GRIN2A: variants seen among roughly 807,000 people sequenced by gnomAD.
GRIN2A encodes glutamate receptor ionotropic, NMDA 2A.
In GRIN2A, 22 loss-of-function variants were observed where a neutral mutation model predicts 113.4. The ratio of observed to expected loss-of-function variants is 0.19; its 90% CI spans 0.14 to 0.28. The LOEUF is 0.28. Among genes scored for constraint, GRIN2A ranks in the 10% least tolerant of loss-of-function variants. The pLI is 1.00. For missense variants in GRIN2A, 1,502 were observed against 1,887.0 expected (o/e 0.80, Z 3.78); for synonymous variants, 827 against 738.4 (o/e 1.12, Z -1.94).
At chr16:10,050,955 T>G (rs2047348170) in intron 2 of GRIN2A, among the ~76,000 whole-genome samples, 1 of 152,136 alleles carries the variant, frequency 6.6e-6, no homozygotes, top group Admixed American at 6.5e-5. Flanking sequence ...AGCTAAGAAG[T>G]TCATGGTAAT....
intron 4 of GRIN2A, among the ~76,000 whole-genome samples, chr16:9,869,120 TAG>T (rs1281492117): frequency 3.9e-5 from 6 of 152,034 alleles, no homozygotes; most frequent in Non-Finnish European, 8.8e-5. Context: ...GCTTACATAA[TAG>T]ATGCACAAAT....
intron 2 of GRIN2A, among the ~76,000 whole-genome samples, chr16:9,973,143 T>G (rs12932095): frequency 0.34 from 52,338 of 151,986 alleles, 9,245 homozygotes; most frequent in Non-Finnish European, 0.36. Context: ...ATCTTAGGTT[T>G]TACAATAGTG....
At chr16:9,829,361 C>CTCCTGAAAGGAGGA (rs2042445306) in intron 9 of GRIN2A, 62 bp downstream of exon 9, 1 of 1,039,520 alleles carries the variant, frequency 9.6e-7, no homozygotes, top group Non-Finnish European at 1.5e-6. Flanking sequence ...GAATCTCTTC[C>CTCCTGAAAGGAGGA]TCCTGAAAGG....
intron 10 of GRIN2A, among the ~76,000 whole-genome samples, chr16:9,800,034 G>A (rs1392196766): frequency 6.6e-6 from 1 of 151,800 alleles, no homozygotes; most frequent in Non-Finnish European, 1.5e-5. Flanking sequence ...GAGTGCAATG[G>A]TGCGATCTCA....
rs2141345463 is a variant in GRIN2A at position 9,841,034 on chromosome 16, G to T, written c.1399C>A (p.Leu467Ile). The change falls in exon 6 of 13, where the codon CTT becomes ATT. Residue 467 changes from leucine to isoleucine, a missense_variant. This residue lies in a region of GRIN2A where 82 missense variants were observed against 222.7 expected (regional missense o/e 0.37). Coordinates refer to ENST00000330684, the MANE Select transcript of GRIN2A (RefSeq NM_001134407.3). ...KGFCIDILKKLSRTVKFTYDL... is the reference protein window; with the variant it reads ...KGFCIDILKKISRTVKFTYDL... ...TAAGTAAACTTCACAGTTCTGGAAAGCTTCTTCAGAATATCAATGCAGAAC... is the reference window on the plus strand; with the variant it reads ...TAAGTAAACTTCACAGTTCTGGAAATCTTCTTCAGAATATCAATGCAGAAC... 1 of 1,613,102 alleles carries T rather than the reference G, an allele frequency of 6.2e-7. No homozygotes were observed. Among genetic ancestry groups the T allele is most frequent in the Non-Finnish European group, 8.5e-7 (1 of 1,179,100 alleles).
chr16:9,972,839 G>A (rs1339124426), intron 2 of GRIN2A, among the ~76,000 whole-genome samples: 2 of 152,216 alleles, frequency 1.3e-5, no homozygotes, highest in Non-Finnish European at 2.9e-5. Flanking sequence ...TAGAGAAAGA[G>A]TAATTCACAC....
At chr16:10,125,983 G>T (rs1023142226) in intron 2 of GRIN2A, among the ~76,000 whole-genome samples, 4 of 152,052 alleles carry the variant, frequency 2.6e-5, no homozygotes, top group African/African-American at 9.7e-5. Flanking sequence ...ACACAGACAG[G>T]AGGAGCCCCA....
chr16:10,005,978 A>G (rs1445581590), intron 2 of GRIN2A, among the ~76,000 whole-genome samples: 1 of 152,224 alleles, frequency 6.6e-6, no homozygotes, highest in Admixed American at 6.5e-5. Flanking sequence ...TTTTACCTCA[A>G]TATTACAGCT....
chr16:9,757,161 G>C lies in GRIN2A; in HGVS notation c.*5988C>G. ...ATAATGCAAGGCTGGGAGGAGGCATGATTTGGCAAGGACTGGAGAACTGGT... is the reference window on the plus strand; with the variant it reads ...ATAATGCAAGGCTGGGAGGAGGCATCATTTGGCAAGGACTGGAGAACTGGT... On this transcript the variant is annotated 3_prime_UTR_variant, in exon 13 of 13. Coordinates refer to ENST00000330684, the MANE Select transcript of GRIN2A (RefSeq NM_001134407.3). 1 of 218,798 alleles carries C rather than the reference G, an allele frequency of 4.6e-6. No homozygotes were observed. The highest frequency in any genetic ancestry group is 9.2e-6 in the Non-Finnish European group (1 of 108,944). 13.6% of individuals were successfully genotyped at this position (218,798 alleles called of 1,614,324 possible). A position where few individuals can be genotyped will look rare whatever the true frequency, so the allele number is the denominator to read the frequency against.
At chr16:9,854,251 A>G (rs1360628311) in intron 4 of GRIN2A, among the ~76,000 whole-genome samples, 2 of 152,010 alleles carry the variant, frequency 1.3e-5, no homozygotes, top group African/African-American at 2.4e-5. Flanking sequence ...AGTATCAAGG[A>G]CCTGTATTCT....
intron 5 of GRIN2A, among the ~76,000 whole-genome samples, chr16:9,847,304 C>T (rs900130768): frequency 6.6e-6 from 1 of 152,186 alleles, no homozygotes; most frequent in African/African-American, 2.4e-5. Context: ...CATCTATAAT[C>T]CCAGTGACTC....
intron 2 of GRIN2A, among the ~76,000 whole-genome samples, chr16:9,967,632 GA>G (rs2045582208): frequency 6.6e-6 from 1 of 152,200 alleles, no homozygotes; most frequent in Admixed American, 6.5e-5. Context: ...CTTGAACCTG[GA>G]AGGTGGAGGT....
intron 11 of GRIN2A, among the ~76,000 whole-genome samples, chr16:9,772,620 C>G (rs1465840115): frequency 6.6e-6 from 1 of 152,160 alleles, no homozygotes; most frequent in African/African-American, 2.4e-5. Context: ...AAGCAACCCA[C>G]CTGGCTCAGC....
intron 2 of GRIN2A, among the ~76,000 whole-genome samples, chr16:10,164,177 T>C (rs1166585873): frequency 6.6e-6 from 1 of 152,210 alleles, no homozygotes; most frequent in African/African-American, 2.4e-5. Flanking sequence ...ACCAATGTGT[T>C]TACTCACAAC....
chr16:10,111,687 C>A (rs1305204170), intron 2 of GRIN2A: 2 of 1,567,742 alleles, frequency 1.3e-6, no homozygotes, highest in South Asian at 2.2e-5. Context: ...TCCAGGCCAA[C>A]GAGGTGCATA....
chr16:9,980,050 A>G (rs938072728), intron 2 of GRIN2A, among the ~76,000 whole-genome samples: 2 of 151,850 alleles, frequency 1.3e-5, no homozygotes, highest in African/African-American at 2.4e-5. Flanking sequence ...ACTTGATGCC[A>G]GGAGTTCAAG....
intron 11 of GRIN2A, among the ~76,000 whole-genome samples, chr16:9,792,831 G>A (rs541963262): frequency 6.6e-5 from 10 of 152,148 alleles, no homozygotes; most frequent in Non-Finnish European, 1.3e-4. Flanking sequence ...TGACCTGGCC[G>A]CCTGCAAACC....
chr16:9,861,742 T>G (rs1053966390), intron 4 of GRIN2A, among the ~76,000 whole-genome samples: 36 of 152,200 alleles, frequency 2.4e-4, no homozygotes, highest in African/African-American at 8.2e-4. Flanking sequence ...CTGTGTGGTA[T>G]GCACAAACAA....
At chr16:9,959,830 T>A (rs533404517) in intron 2 of GRIN2A, among the ~76,000 whole-genome samples, 1 of 152,108 alleles carries the variant, frequency 6.6e-6, no homozygotes, top group South Asian at 2.1e-4. Flanking sequence ...AAAAACTACC[T>A]GGGCGTGGTG....
Sources: allele counts gnomAD v4.1 joint callset (sites outside exome capture counted in the v4.1 genomes callset), GRCh38; gene constraint gnomAD v4.1.1; regional missense constraint gnomAD v4.1.1; transcripts MANE v1.5; gene names NCBI Gene and HGNC (gene_info 2026-07-23, HGNC 2026-07-21).